PCDH17: variants seen among roughly 807,000 people sequenced by gnomAD.
PCDH17 encodes protocadherin 17, also known as protocadherin-17.
PCDH17 carries 21 observed loss-of-function variants against 67.7 expected under a neutral mutation model. That is an observed-to-expected ratio of 0.31 (90% CI 0.22 to 0.45). The LOEUF is 0.45. Among genes scored for constraint, PCDH17 ranks in the 20% least tolerant of loss-of-function variants. The pLI is 1.00. For synonymous variants in PCDH17, 701 were observed against 656.7 expected (o/e 1.07, Z -1.03); for missense variants, 1,471 against 1,564.8 (o/e 0.94, Z 1.01).
At position 57,726,573 on chromosome 13, in the gene PCDH17, T is replaced by C. The variant is rs933623724; in HGVS notation, c.*1279T>C. ...ATGTATAGTCTACCAAGTACTACAG[T>C]ACATAATCTGTTCAAAATGTGTTTG... On this transcript the variant is annotated 3_prime_UTR_variant, in exon 4 of 4. Coordinates refer to ENST00000377918, the MANE Select transcript of PCDH17 (RefSeq NM_001040429.3). 1 of 152,654 alleles carries C rather than the reference T, an allele frequency of 6.6e-6. No individual in the cohort carries two copies. The highest frequency in any genetic ancestry group is 6.5e-5 in the Admixed American group (1 of 15,282). 9.5% of individuals were successfully genotyped at this position (152,654 alleles called of 1,614,324 possible).
intron 3 of PCDH17, among the ~76,000 whole-genome samples, chr13:57,711,955 G>A (rs1052088080): frequency 7.3e-5 from 11 of 151,200 alleles, no homozygotes; most frequent in South Asian, 4.1e-4. Context: ...AAAATTATGT[G>A]CAGATATATT....
intron 1 of PCDH17, among the ~76,000 whole-genome samples, chr13:57,641,569 AAAAAAAAAAAAAAAAAAAATAT>A (rs1390372290): frequency 2.3e-4 from 5 of 22,090 alleles, no homozygotes; most frequent in African/African-American, 1.4e-3. Context: ...AAAAAAAAAA[AAAAAAAAAAAAAAAAAAAATAT>A]ATATATATAT....
rs1393716645 is a variant in PCDH17 at position 57,633,164 on chromosome 13, G to A, written c.618G>A (p.Gln206=). The change falls in exon 1 of 4, where the codon CAG becomes CAA. Residue 206 remains glutamine (Q), a synonymous_variant. Transcript: ENST00000377918. This position sits in a 1 kb window ranked among gnomAD's most constrained non-coding sequence, Gnocchi z 6.2. ...AGAAGGCTCTGGACCGCGAGCAACA[G>A]AATCACCATACGCTCGTGCTGACTG... ...VIQKALDREQ[Q]NHHTLVLTAL... The A allele has an allele frequency of 1.2e-6, 2 of 1,613,308 alleles. No homozygotes were observed. Among genetic ancestry groups the A allele is most frequent in the Non-Finnish European group, 1.7e-6 (2 of 1,179,982 alleles).
At chr13:57,709,525 A>G (rs1955755370) in intron 3 of PCDH17, 1 of 151,874 alleles carries the variant, frequency 6.6e-6, no homozygotes, top group South Asian at 2.1e-4. Flanking sequence ...GGAAATACCA[A>G]TGACCATATC....
intron 1 of PCDH17, among the ~76,000 whole-genome samples, chr13:57,648,564 A>G (rs1954996094): frequency 6.6e-6 from 1 of 152,008 alleles, no homozygotes; most frequent in Admixed American, 6.6e-5. Flanking sequence ...CTTAATGGGC[A>G]AGTGTATATT....
chr13:57,719,147 G>GAATA (rs1955851153), intron 3 of PCDH17, among the ~76,000 whole-genome samples: 1 of 151,912 alleles, frequency 6.6e-6, no homozygotes, highest in Non-Finnish European at 1.5e-5. Flanking sequence ...AACAAAAAAA[G>GAATA]AATAACGGGA....
intron 1 of PCDH17, 125 bp downstream of exon 1, chr13:57,635,236 A>G: frequency 1.0e-6 from 1 of 952,514 alleles, no homozygotes; most frequent in Non-Finnish European, 1.6e-6. Flanking sequence ...TTAAATGAAA[A>G]CGGTTTACAC....
chr13:57,681,165 G>A (rs1455281193), intron 3 of PCDH17, among the ~76,000 whole-genome samples: 1 of 151,684 alleles, frequency 6.6e-6, no homozygotes, highest in Non-Finnish European at 1.5e-5. Context: ...TAGGAGTGCA[G>A]CAGTTGTCTG....
At chr13:57,659,131 G>GTA (rs147702345) in intron 1 of PCDH17, among the ~76,000 whole-genome samples, 3,120 of 150,600 alleles carry the variant, frequency 0.021, 103 homozygotes, top group African/African-American at 0.068. Context: ...GTGTGTGTGT[G>GTA]TATACACACA....
chr13:57,640,238 A>G (rs1005664947), intron 1 of PCDH17, among the ~76,000 whole-genome samples: 3 of 151,974 alleles, frequency 2.0e-5, no homozygotes, highest in African/African-American at 7.2e-5. Context: ...CTATAACACA[A>G]TAGAAATGTA....
At chr13:57,661,897 T>A (rs1593909695) in intron 1 of PCDH17, among the ~76,000 whole-genome samples, 2 of 152,258 alleles carry the variant, frequency 1.3e-5, no homozygotes, top group East Asian at 3.9e-4. Context: ...AGACAGAGTC[T>A]CACTCTGTTG....
intron 3 of PCDH17, among the ~76,000 whole-genome samples, chr13:57,713,005 T>A (rs142786278): frequency 1.3e-3 from 194 of 151,700 alleles, no homozygotes; most frequent in African/African-American, 4.5e-3. Context: ...GCATGATGCA[T>A]GGTAACATTT....
chr13:57,666,625 A>G lies in PCDH17; in HGVS notation c.2625-36A>G, dbSNP rs1354161517. The G allele has an allele frequency of 4.4e-6, 7 of 1,607,900 alleles. No homozygotes were observed. In the Admixed American group the frequency reaches 5.1e-5, roughly 12 times the overall value. On this transcript the variant is annotated intron_variant, in intron 2 of 3. Coordinates refer to ENST00000377918, the MANE Select transcript of PCDH17 (RefSeq NM_001040429.3). ...ACTTCAGATTCAAACTAGTAGAGAC[A>G]ACACTTTCTCTTCTTTTTCTTTATA... is the stretch of plus-strand genomic sequence containing the variant.
At position 57,728,853 on chromosome 13, in the gene PCDH17, T is replaced by G. The variant is rs1219840023; in HGVS notation, c.*3559T>G. The G allele has an allele frequency of 6.6e-6, 1 of 152,214 alleles. No individual in the cohort carries two copies. The highest frequency in any genetic ancestry group is 2.4e-5 in the African/African-American group (1 of 41,420). The allele number at this position is 152,214 out of a possible 1,614,324, so 9.4% of individuals were successfully genotyped here. A position where few individuals can be genotyped will look rare whatever the true frequency, so the allele number is the denominator to read the frequency against. ...TTTAAAATATGGCACCATAAAAAAG[T>G]CATGTAGTAATAGAGCATATGCTTT... On this transcript the variant is annotated 3_prime_UTR_variant, in exon 4 of 4. Coordinates refer to ENST00000377918, the MANE Select transcript of PCDH17 (RefSeq NM_001040429.3).
At chr13:57,699,677 A>G (rs61961907) in intron 3 of PCDH17, among the ~76,000 whole-genome samples, 24 of 151,900 alleles carry the variant, frequency 1.6e-4, no homozygotes, top group Non-Finnish European at 2.9e-4. Context: ...TTATATGGAT[A>G]TTCTTAACAT....
Position 57,657,139 on chromosome 13 carries a change from G to A in PCDH17, c.2566-9329G>A, listed in dbSNP as rs145292900. Among the ~76,000 whole-genome samples the A allele has an allele frequency of 2.5e-4, 38 of 152,178 alleles. No homozygotes were observed. The East Asian group carries it at 7.2e-3, about 29-fold the overall frequency. The stretch of plus-strand genomic sequence containing the variant: ...TTAAAGTTATCAATGTCATTTCAAA[G>A]AGTTAGCATTTGCAAGAGATCTTAA... On this transcript the variant is annotated intron_variant, in intron 1 of 3. Coordinates refer to ENST00000377918, the MANE Select transcript of PCDH17 (RefSeq NM_001040429.3).
At chr13:57,638,653 A>G (rs914640761) in intron 1 of PCDH17, among the ~76,000 whole-genome samples, 2 of 152,038 alleles carry the variant, frequency 1.3e-5, no homozygotes, top group African/African-American at 4.8e-5. Context: ...CTTTTGATAG[A>G]TGTACATGGC....
intron 3 of PCDH17, among the ~76,000 whole-genome samples, chr13:57,683,982 A>G (rs1955482873): frequency 6.6e-6 from 1 of 151,358 alleles, no homozygotes; most frequent in South Asian, 2.1e-4. Flanking sequence ...CATATTAAAT[A>G]GTTTCTAAAG....
At chr13:57,696,364 G>C in intron 3 of PCDH17, among the ~76,000 whole-genome samples, 1 of 150,860 alleles carries the variant, frequency 6.6e-6, no homozygotes, top group East Asian at 1.9e-4. Context: ...AAAAAAAGTG[G>C]GTTTTAATTT....
Sources: gnomAD v4.1 joint callset for allele counts (sites outside exome capture counted in the v4.1 genomes callset) on GRCh38, gnomAD v4.1.1 for gene constraint, Gnocchi (gnomAD v3.1) non-coding constraint, MANE v1.5 for transcripts, NCBI Gene and HGNC (gene_info 2026-07-23, HGNC 2026-07-21) for gene names.